HMG20A: variants seen among roughly 807,000 people sequenced by gnomAD.
HMG20A encodes the protein high mobility group 20A, also known as high mobility group protein 20A.
Under a neutral mutation model 43.9 loss-of-function variants are expected in HMG20A, and 17 were observed. The ratio of observed to expected loss-of-function variants is 0.39; its 90% CI spans 0.27 to 0.58. The LOEUF is 0.58. Among genes scored for constraint, HMG20A ranks in the 20% least tolerant of loss-of-function variants. HMG20A has a pLI of 0.59. For synonymous variants in HMG20A, 132 were observed against 147.5 expected, an observed-to-expected ratio of 0.89 and a Z score of 0.76; for missense variants, 341 against 438.2, an observed-to-expected ratio of 0.78 and a Z score of 1.98.
intron 1 of HMG20A, among the ~76,000 whole-genome samples, chr15:77,431,205 TTTTTATTTTA>T (rs879892538): frequency 2.6e-5 from 4 of 152,092 alleles, no homozygotes; most frequent in African/African-American, 7.2e-5. Context: ...GTTTATTTAT[TTTTTATTTTA>T]TTTTATTTTA....
At chr15:77,442,279 G>A (rs2073620874) in intron 1 of HMG20A, among the ~76,000 whole-genome samples, 6 of 152,138 alleles carry the variant, frequency 3.9e-5, no homozygotes, top group Admixed American at 3.3e-4. Flanking sequence ...CATAAATTGA[G>A]TTAGAACTTC....
the HMG20A span, among the ~76,000 whole-genome samples, chr15:77,500,188 T>A: frequency 5.9e-5 from 9 of 152,130 alleles, no homozygotes; most frequent in African/African-American, 1.9e-4. Flanking sequence ...TTTTTAAGCC[T>A]TACAAAAATT....
At chr15:77,504,884 C>G in the HMG20A span, among the ~76,000 whole-genome samples, 2 of 152,206 alleles carry the variant, frequency 1.3e-5, no homozygotes, top group Non-Finnish European at 2.9e-5. Context: ...TCCATCATCT[C>G]CTGTGTCTAT....
chr15:77,518,320 C>G, the HMG20A span, among the ~76,000 whole-genome samples: 15 of 152,330 alleles, frequency 9.8e-5, no homozygotes, highest in East Asian at 9.6e-4. Context: ...GCACCAACCC[C>G]TCTCATAAAC....
intron 1 of HMG20A, among the ~76,000 whole-genome samples, chr15:77,425,984 T>C (rs2073423035): frequency 1.3e-5 from 2 of 152,126 alleles, no homozygotes; most frequent in Non-Finnish European, 2.9e-5. Flanking sequence ...TGGATAAAAC[T>C]TGAAAATATT....
At chr15:77,466,026 A>G (rs1277905343) in intron 3 of HMG20A, among the ~76,000 whole-genome samples, 1 of 152,202 alleles carries the variant, frequency 6.6e-6, no homozygotes, top group African/African-American at 2.4e-5. Flanking sequence ...AGTTTTTTTC[A>G]GAGGTGATTC....
At chr15:77,505,811 G>A in the HMG20A span, among the ~76,000 whole-genome samples, 2 of 152,198 alleles carry the variant, frequency 1.3e-5, no homozygotes, top group African/African-American at 4.8e-5. Context: ...AGGGGCTCCC[G>A]GGAGTAGATG....
chr15:77,512,250 G>T, the HMG20A span, among the ~76,000 whole-genome samples: 1 of 152,160 alleles, frequency 6.6e-6, no homozygotes, highest in Non-Finnish European at 1.5e-5. Flanking sequence ...GGTTGCCAGG[G>T]GGTGGGGGGA....
chr15:77,421,536 A>C (rs900307560), intron 1 of HMG20A, among the ~76,000 whole-genome samples: 3 of 152,204 alleles, frequency 2.0e-5, no homozygotes, highest in African/African-American at 7.2e-5. Context: ...CCCCTACTCA[A>C]GTCCAGCCTT....
At chr15:77,512,424 T>A in the HMG20A span, among the ~76,000 whole-genome samples, 2 of 149,576 alleles carry the variant, frequency 1.3e-5, no homozygotes, top group East Asian at 3.9e-4. Flanking sequence ...TACCACAATT[T>A]AAAAAATAAA....
In HMG20A at chr15:77,464,335, A is replaced by G. The variant is rs757034031; in HGVS notation, c.185A>G (p.Gln62Arg). 3 of 1,613,950 alleles carry G rather than the reference A, an allele frequency of 1.9e-6. No individual in the cohort carries two copies. In the Admixed American group the frequency reaches 5.0e-5, roughly 27 times the overall value. The change falls in exon 3 of 10, where the codon CAG becomes CGG. Residue 62 changes from glutamine to arginine, a missense_variant. Around this residue, in one of 3 missense-constraint regions of HMG20A, gnomAD observed 220 missense variants for 263.6 expected, o/e 0.83. Coordinates refer to ENST00000336216, the MANE Select transcript of HMG20A (RefSeq NM_001304504.2). ...GATCTCTCTCAAGGTCAGTTGCTTC[A>G]GAGTGAGTCTTCAAATGCAGCAGAA... ...VEDLSQGQLL[Q>R]SESSNAAEGN...
At chr15:77,475,904 T>G (rs1474696666) in intron 6 of HMG20A, among the ~76,000 whole-genome samples, 1 of 152,336 alleles carries the variant, frequency 6.6e-6, no homozygotes, top group East Asian at 1.9e-4. Context: ...CTTGGGACTT[T>G]CGATTGATAA....
intron 6 of HMG20A, among the ~76,000 whole-genome samples, chr15:77,474,817 A>G (rs1177219942): frequency 6.6e-6 from 1 of 152,184 alleles, no homozygotes; most frequent in Non-Finnish European, 1.5e-5. Context: ...AGAGAAGCAC[A>G]TATCACACTC....
rs71145836 is a variant in HMG20A, at chr15:77,462,772, C to CTT, written c.90-1451_90-1450dup. Reference sequence around the variant, plus strand: ...CTTTTTTCTTTTTCTTTTTCTTTTTCTTTTTTTTTTTTTTTTTTGAGACTG... The same window carrying CTT: ...CTTTTTTCTTTTTCTTTTTCTTTTTCTTTTTTTTTTTTTTTTTTTTGAGACTG... On this transcript the variant is annotated intron_variant, in intron 2 of 9. Transcript: ENST00000336216. Among the ~76,000 whole-genome samples the CTT allele has an allele frequency of 4.5e-4, 57 of 127,776 alleles. 1 individual carries two copies. Among genetic ancestry groups the CTT allele is most frequent in the East Asian group, 1.7e-3 (8 of 4,572 alleles). The allele number at this position is 127,776 out of a possible 152,430, so 83.8% of individuals were successfully genotyped here.
chr15:77,478,013 T>C, intron 7 of HMG20A: 1 of 515,910 alleles, frequency 1.9e-6, no homozygotes. Flanking sequence ...GATTGTACAA[T>C]TTAAAAAGCA....
At chr15:77,464,454 T>A in intron 3 of HMG20A, 67 bp downstream of exon 3, 1 of 1,548,466 alleles carries the variant, frequency 6.5e-7, no homozygotes, top group Non-Finnish European at 8.9e-7. Context: ...ACAAGGAAGG[T>A]GTGTTGATCA....
the HMG20A span, among the ~76,000 whole-genome samples, chr15:77,506,406 G>A: frequency 6.6e-6 from 1 of 152,170 alleles, no homozygotes; most frequent in Non-Finnish European, 1.5e-5. Context: ...GATGCCCCTT[G>A]CCTGCTCCGG....
At chr15:77,434,751 T>C (rs762166746) in intron 1 of HMG20A, among the ~76,000 whole-genome samples, 1 of 152,162 alleles carries the variant, frequency 6.6e-6, no homozygotes, top group East Asian at 1.9e-4. Flanking sequence ...ATATCAAGTA[T>C]TGATGATGTG....
At chr15:77,469,824 C>T (rs889437067) in intron 4 of HMG20A, among the ~76,000 whole-genome samples, 1 of 152,128 alleles carries the variant, frequency 6.6e-6, no homozygotes, top group Non-Finnish European at 1.5e-5. Flanking sequence ...TGCACCATCA[C>T]ACCCAGCTAA....
Sources: allele counts gnomAD v4.1 joint callset (sites outside exome capture counted in the v4.1 genomes callset), GRCh38; gene constraint gnomAD v4.1.1; regional missense constraint gnomAD v4.1.1; transcripts MANE v1.5; gene names NCBI Gene and HGNC (gene_info 2026-07-23, HGNC 2026-07-21).